Variants in DHODH observed in about 807,000 individuals in gnomAD.
DHODH encodes the protein dihydroorotate dehydrogenase (quinone).
Under a neutral mutation model 39.7 loss-of-function variants are expected in DHODH, and 30 were observed. That is an observed-to-expected ratio of 0.76 (90% CI 0.57 to 1.02). The LOEUF is 1.02. DHODH is among the 50% of genes least tolerant of loss of function. The pLI is 0.00. For synonymous variants in DHODH, 222 were observed against 213.8 expected, an observed-to-expected ratio of 1.04 and a Z score of -0.34; for missense variants, 531 against 520.8, an observed-to-expected ratio of 1.02 and a Z score of -0.19.
At chr16:72,009,148 G>GGTT (rs1337309113) in intron 1 of DHODH, 2 of 1,133,964 alleles carry the variant, frequency 1.8e-6, no homozygotes, top group Non-Finnish European at 2.2e-6. Context: ...ACCCTTTTAG[G>GGTT]TAAAGTTTTG....
In DHODH at chr16:72,026,992, TGTGTGTGTGTGTGTGTG is replaced by T. The variant is rs761499366; in HGVS notation, c.*2794_*2810del. ...GTGTGTGTGTGTGTGTGTGTGTGTG[TGTGTGTGTGTGTGTGTG>T]TTTTTGAGATGGAGTCCTGCTCTGT... On this transcript the variant is annotated 3_prime_UTR_variant, in exon 9 of 9. Transcript: ENST00000219240. The T allele has an allele frequency of 0.019, 2,747 of 144,898 alleles. 66 individuals are homozygous for T. The highest frequency in any genetic ancestry group is 0.047 in the East Asian group (237 of 5,016). The allele number at this position is 144,898 out of a possible 1,614,324, so 9.0% of individuals were successfully genotyped here. A position where few individuals can be genotyped will look rare whatever the true frequency, so the allele number is the denominator to read the frequency against.
chr16:72,011,300 T>G (rs1044989432), intron 1 of DHODH, among the ~76,000 whole-genome samples: 6 of 152,210 alleles, frequency 3.9e-5, no homozygotes, highest in Admixed American at 6.5e-5. Flanking sequence ...TATGTGAAAC[T>G]GTACAGTTGT....
In DHODH at chr16:72,026,524, G is replaced by T. The variant is rs1481066726; in HGVS notation, c.*2325G>T. On this transcript the variant is annotated 3_prime_UTR_variant, in exon 9 of 9. Transcript: ENST00000219240. The stretch of plus-strand genomic sequence containing the variant: ...GCCTCCAGAGTAGCTGGGACTACAG[G>T]TGCATGCCACTGTGCCCTGCTAATT... The T allele has an allele frequency of 1.3e-5, 2 of 152,318 alleles. No homozygotes were observed. Among genetic ancestry groups the T allele is most frequent in the African/African-American group, 4.8e-5 (2 of 41,356 alleles). The allele number at this position is 152,318 out of a possible 1,614,324, so 9.4% of individuals were successfully genotyped here. A position where few individuals can be genotyped will look rare whatever the true frequency, so the allele number is the denominator to read the frequency against.
intron 1 of DHODH, chr16:72,009,120 G>C (rs2041053102): frequency 7.9e-7 from 1 of 1,270,708 alleles, no homozygotes; most frequent in African/African-American, 1.5e-5. Context: ...AATGAAACTA[G>C]AGTAGGACAT....
Position 72,023,231 on chromosome 16 carries a change from C to T in DHODH, c.886C>T (p.Leu296=), listed in dbSNP as rs1246748955. ...TCGCCCTGCGGGCCTCCAGGGTGCC[C>T]TGCGCTCTGAAACAGGAGGGCTGAG... is the stretch of plus-strand genomic sequence containing the variant. The part of the protein sequence containing the change: ...VSRPAGLQGA[L]RSETGGLSGK... The change falls in exon 7 of 9, where the codon CTG becomes TTG. Residue 296 remains leucine, a synonymous_variant. Transcript: ENST00000219240. The T allele has an allele frequency of 2.5e-6, 4 of 1,614,236 alleles. No homozygotes were observed. The Admixed American group carries it at 5.0e-5, about 20-fold the overall frequency.
At chr16:72,009,331 G>A (rs867484640) in intron 1 of DHODH, among the ~76,000 whole-genome samples, 10 of 149,880 alleles carry the variant, frequency 6.7e-5, no homozygotes, top group African/African-American at 2.2e-4. Flanking sequence ...GTGAAACCCC[G>A]TCTCTACTAA....
chr16:72,021,254 C>T lies in DHODH; in HGVS notation c.648C>T (p.Asn216=). 6.2e-7 allele frequency: 1 copy of T among 1,612,920 alleles called. No homozygotes were observed. The highest frequency in any genetic ancestry group is 2.2e-5 in the East Asian group (1 of 44,838). The change falls in exon 5 of 9, where the codon AAC becomes AAT. Residue 216 remains asparagine, a synonymous_variant. Coordinates refer to ENST00000219240, the MANE Select transcript of DHODH (RefSeq NM_001361.5). The part of the protein sequence containing the change: ...DYLVVNVSSP[N]TAGLRSLQGK... ...TGGTGGTGAATGTGTCCAGCCCCAA[C>T]ACTGCCGGGCTGCGGAGCCTTCAGG... is the stretch of plus-strand genomic sequence containing the variant.
intron 2 of DHODH, among the ~76,000 whole-genome samples, chr16:72,013,985 C>T (rs181574494): frequency 3.9e-5 from 6 of 152,212 alleles, no homozygotes; most frequent in Admixed American, 6.5e-5. Context: ...GGGCTTCTTG[C>T]CAGCCCGGAT....
Position 72,026,503 on chromosome 16 carries a change from C to T in DHODH, c.*2304C>T, listed in dbSNP as rs1208447646. ...TCAGGGGATTCTTCAGCCTCAGCCT[C>T]CAGAGTAGCTGGGACTACAGGTGCA... On this transcript the variant is annotated 3_prime_UTR_variant, in exon 9 of 9. Transcript: ENST00000219240. 3 of 152,226 alleles carry T rather than the reference C, an allele frequency of 2.0e-5. No individual in the cohort carries two copies. Among genetic ancestry groups the T allele is most frequent in the Admixed American group, 6.6e-5 (1 of 15,246 alleles). The allele number at this position is 152,226 out of a possible 1,614,324, so 9.4% of individuals were successfully genotyped here. A position where few individuals can be genotyped will look rare whatever the true frequency, so the allele number is the denominator to read the frequency against.
At chr16:72,017,617 T>G (rs1028015797) in intron 4 of DHODH, among the ~76,000 whole-genome samples, 3 of 152,288 alleles carry the variant, frequency 2.0e-5, no homozygotes, top group Admixed American at 2.0e-4. Flanking sequence ...ATGAGTTGTT[T>G]TGGAAACTCA....
At chr16:72,022,888 G>A (rs1213103125) in intron 6 of DHODH, among the ~76,000 whole-genome samples, 1 of 152,210 alleles carries the variant, frequency 6.6e-6, no homozygotes, top group Non-Finnish European at 1.5e-5. Context: ...CTACCTGGGG[G>A]CCTCAGACAA....
In DHODH at chr16:72,024,310, A is replaced by G. The variant is rs1317737969; in HGVS notation, c.*111A>G. 1.6e-6 allele frequency: 2 copies of G among 1,212,470 alleles called. No homozygotes were observed. The highest frequency in any genetic ancestry group is 1.2e-5 in the South Asian group (1 of 80,944). The allele number at this position is 1,212,470 out of a possible 1,614,324, so 75.1% of individuals were successfully genotyped here. A position where few individuals can be genotyped will look rare whatever the true frequency, so the allele number is the denominator to read the frequency against. On this transcript the variant is annotated 3_prime_UTR_variant, in exon 9 of 9. Transcript: ENST00000219240. Reference sequence around the variant, plus strand: ...CCATCTTGAGCCATGTCCCCCAGCCATGGCATGGCTGCACTGTAAACGCCA... The same window carrying G: ...CCATCTTGAGCCATGTCCCCCAGCCGTGGCATGGCTGCACTGTAAACGCCA...
chr16:72,015,946 T>C (rs1462796182), intron 3 of DHODH: 2 of 934,442 alleles, frequency 2.1e-6, no homozygotes, highest in African/African-American at 3.6e-5. Context: ...ATGGATGCTT[T>C]TGGCTCTAAC....
chr16:72,009,027 G>T (rs1055235785), intron 1 of DHODH: 13 of 1,425,526 alleles, frequency 9.1e-6, no homozygotes, highest in Admixed American at 2.9e-5. Flanking sequence ...GAGTGTCTGC[G>T]CCTGGGCCAT....
At position 72,017,010 on chromosome 16, in the gene DHODH, C is replaced by T; in HGVS notation, c.435-14C>T. ...CGTCTCACTCTGCCCCTCCCGTGTG[C>T]TTGTGCTCTGCAGGTATGGATTTAA... is the stretch of plus-strand genomic sequence containing the variant. On this transcript the variant is annotated splice_polypyrimidine_tract_variant and intron_variant, in intron 3 of 8. Coordinates refer to ENST00000219240, the MANE Select transcript of DHODH (RefSeq NM_001361.5). The T allele has an allele frequency of 6.2e-7, 1 of 1,613,342 alleles. No homozygotes were observed. The highest frequency in any genetic ancestry group is 8.5e-7 in the Non-Finnish European group (1 of 1,179,582).
At position 72,014,629 on chromosome 16, in the gene DHODH, C is replaced by T. The variant is rs1168645393; in HGVS notation, c.391C>T (p.Pro131Ser). ...AAAACCTCAGGAAGGAAACCCTAGA[C>T]CCAGAGTCTTCCGCCTCCCTGAGGA... ...TPKPQEGNPRPRVFRLPEDQA... is the reference protein window; with the variant it reads ...TPKPQEGNPRSRVFRLPEDQA... The change falls in exon 3 of 9, where the codon CCC (proline) becomes TCC (serine). Residue 131 changes from proline (P) to serine (S), a missense_variant. Transcript: ENST00000219240. 6.2e-7 allele frequency: 1 copy of T among 1,614,140 alleles called. No homozygotes were observed. The highest frequency in any genetic ancestry group is 1.1e-5 in the South Asian group (1 of 91,076).
chr16:72,027,364 C>G lies in DHODH; in HGVS notation c.*3165C>G, dbSNP rs1288998557. ...CAGGCTGGTCTCGAACCCCTGACCTCAAGCAATCCACCCACCTTGGCCTCC... is the reference window on the plus strand; with the variant it reads ...CAGGCTGGTCTCGAACCCCTGACCTGAAGCAATCCACCCACCTTGGCCTCC... On this transcript the variant is annotated 3_prime_UTR_variant, in exon 9 of 9. Coordinates refer to ENST00000219240, the MANE Select transcript of DHODH (RefSeq NM_001361.5). 1 of 152,198 alleles carries G rather than the reference C, an allele frequency of 6.6e-6. No individual in the cohort carries two copies. Among genetic ancestry groups the G allele is most frequent in the East Asian group, 1.9e-4 (1 of 5,172 alleles). 9.4% of individuals were successfully genotyped at this position (152,198 alleles called of 1,614,324 possible).
rs889797882 is a variant in DHODH, at chr16:72,014,642, G to A, written c.404G>A (p.Arg135His). 6.2e-6 allele frequency: 10 copies of A among 1,613,992 alleles called. No individual in the cohort carries two copies. Among genetic ancestry groups the A allele is most frequent in the Admixed American group, 1.7e-5 (1 of 60,000 alleles). ...GGAAACCCTAGACCCAGAGTCTTCC[G>A]CCTCCCTGAGGACCAAGCTGTCATT... ...QEGNPRPRVFRLPEDQAVINR... is the reference protein window; with the variant it reads ...QEGNPRPRVFHLPEDQAVINR... The change falls in exon 3 of 9, where the codon CGC becomes CAC. Residue 135 changes from arginine to histidine, a missense_variant. Physicochemically the swap from Arg to His is conservative, Grantham distance 29. Coordinates refer to ENST00000219240, the MANE Select transcript of DHODH (RefSeq NM_001361.5).
intron 2 of DHODH, among the ~76,000 whole-genome samples, chr16:72,013,162 C>T (rs2041103362): frequency 6.6e-6 from 1 of 151,972 alleles, no homozygotes; most frequent in Admixed American, 6.5e-5. Flanking sequence ...CCTTAGACTC[C>T]TCTTCACTAT....
Sources: gnomAD v4.1 joint callset for allele counts (sites outside exome capture counted in the v4.1 genomes callset) on GRCh38, gnomAD v4.1.1 for gene constraint, MANE v1.5 for transcripts, NCBI Gene and HGNC (gene_info 2026-07-23, HGNC 2026-07-21) for gene names.